Variants in ARL17A observed in about 807,000 individuals in gnomAD.
ARL17A encodes the protein ADP-ribosylation factor-like 17-like.
the ARL17A span, among the ~76,000 whole-genome samples, chr17:46,501,007 C>T: frequency 2.0e-5 from 3 of 151,102 alleles, no homozygotes; most frequent in African/African-American, 7.4e-5. Flanking sequence ...TGGTGAGACC[C>T]CGTCTCTACT....
chr17:46,501,306 G>C, the ARL17A span, among the ~76,000 whole-genome samples: 1 of 151,090 alleles, frequency 6.6e-6, no homozygotes, highest in South Asian at 2.1e-4. Flanking sequence ...CTCCTGAGTA[G>C]CTGGGACCAC....
the ARL17A span, among the ~76,000 whole-genome samples, chr17:46,500,999 G>T: frequency 6.6e-6 from 1 of 151,130 alleles, no homozygotes. Context: ...GGCTAACATG[G>T]TGAGACCCCG....
the ARL17A span, among the ~76,000 whole-genome samples, chr17:46,500,580 T>C: frequency 6.6e-6 from 1 of 150,736 alleles, no homozygotes; most frequent in Non-Finnish European, 1.5e-5. Flanking sequence ...CACCTGAAGA[T>C]TGTGAGAAAC....
chr17:46,559,061 GC>G (rs2057466370), intron 3 of ARL17A: 1 of 79,548 alleles, frequency 1.3e-5, no homozygotes, highest in Non-Finnish European at 2.2e-5. Flanking sequence ...GGCATCTTCA[GC>G]TGGAGGTGAG....
At chr17:46,552,693 G>C (rs1341521379), downstream of ARL17A, 1 of 77,454 alleles carries the variant, frequency 1.3e-5, no homozygotes, top group Non-Finnish European at 3.3e-5. Context: ...AGATCAGGCT[G>C]AATATTTGAA....
chr17:46,542,555 TGTG>T (rs1196821398), intron 3 of ARL17A, among the ~76,000 whole-genome samples: 1 of 148,784 alleles, frequency 6.7e-6, no homozygotes, highest in Admixed American at 6.6e-5. Context: ...ATCAGCCAGG[TGTG>T]GTGGCACACG....
At chr17:46,501,163 C>A in the ARL17A span, among the ~76,000 whole-genome samples, 842 of 151,260 alleles carry the variant, frequency 5.6e-3, 14 homozygotes, top group Middle Eastern at 0.027. Context: ...TAGCTAGGTA[C>A]AAGCCACCAT....
rs2054032892 is a variant in ARL17A at position 46,533,476 on chromosome 17, C to T, written c.336-4617G>A. Reference sequence around the variant, plus strand: ...TCATCAACTAGATTTATAATTATTGCATTATGTAAGTATCTTTTTCTTTTT... The same window carrying T: ...TCATCAACTAGATTTATAATTATTGTATTATGTAAGTATCTTTTTCTTTTT... On this transcript the variant is annotated intron_variant, in intron 4 of 4. Transcript: ENST00000329240. 4.2e-5 allele frequency among the ~76,000 whole-genome samples: 6 copies of T among 144,490 alleles called. No individual in the cohort carries two copies. In the East Asian group the frequency reaches 9.9e-4, roughly 24 times the overall value. The allele number at this position is 144,490 out of a possible 152,430, so 94.8% of individuals were successfully genotyped here. A position where few individuals can be genotyped will look rare whatever the true frequency, so the allele number is the denominator to read the frequency against.
chr17:46,504,951 T>TATTTAATACATTGATTTATTAA, the ARL17A span, among the ~76,000 whole-genome samples: 3 of 106,460 alleles, frequency 2.8e-5, no homozygotes, highest in Non-Finnish European at 3.6e-5. Context: ...TTAACTAATT[T>TATTTAATACATTGATTTATTAA]TGAGAGAGAG....
At chr17:46,503,211 C>CAACA in the ARL17A span, among the ~76,000 whole-genome samples, 1 of 72,646 alleles carries the variant, frequency 1.4e-5, no homozygotes, top group Non-Finnish European at 2.8e-5. Context: ...GACTCCGTCT[C>CAACA]AAAAAAAAAA....
At chr17:46,534,720 C>T (rs1357244592) in intron 4 of ARL17A, among the ~76,000 whole-genome samples, 3 of 150,176 alleles carry the variant, frequency 2.0e-5, no homozygotes, top group Non-Finnish European at 4.4e-5. Flanking sequence ...GTACACCTCC[C>T]AGACGGGGTG....
intron 3 of ARL17A, among the ~76,000 whole-genome samples, chr17:46,546,097 T>C (rs1056301): frequency 6.6e-6 from 1 of 152,040 alleles, no homozygotes; most frequent in African/African-American, 2.4e-5. Context: ...GGCACTTTTG[T>C]CCTCCTTCCT....
chr17:46,532,876 G>A (rs960079753), intron 4 of ARL17A, among the ~76,000 whole-genome samples: 1 of 148,956 alleles, frequency 6.7e-6, no homozygotes, highest in African/African-American at 2.6e-5. Flanking sequence ...TGCGGTGGGA[G>A]GATTGCTTGA....
downstream of ARL17A, chr17:46,549,022 T>C (rs1163239318): frequency 4.3e-6 from 7 of 1,612,078 alleles, no homozygotes; most frequent in African/African-American, 9.5e-5. Flanking sequence ...TACGAAGACG[T>C]CTAAACCAAT....
chr17:46,520,976 A>G (rs1333007972), intron 3 of ARL17A, among the ~76,000 whole-genome samples: 1 of 81,752 alleles, frequency 1.2e-5, no homozygotes, highest in African/African-American at 3.5e-5. Context: ...AGCTACCAAG[A>G]GAATAGACTG....
chr17:46,525,611 AATAATC>A (rs1437912019), downstream of ARL17A, among the ~76,000 whole-genome samples: 110 of 118,544 alleles, frequency 9.3e-4, 2 homozygotes, highest in African/African-American at 3.2e-3. Flanking sequence ...ATATAATAAT[AATAATC>A]ATCATCATCA....
At chr17:46,569,352 T>TAG (rs1418974910) in intron 3 of ARL17A, among the ~76,000 whole-genome samples, 1 of 148,478 alleles carries the variant, frequency 6.7e-6, no homozygotes, top group Non-Finnish European at 1.5e-5. Context: ...GAAGATTTTA[T>TAG]ATATATATAT....
chr17:46,543,533 T>C (rs1393537755), intron 3 of ARL17A, among the ~76,000 whole-genome samples: 3 of 150,914 alleles, frequency 2.0e-5, no homozygotes, highest in Non-Finnish European at 2.9e-5. Flanking sequence ...TGAAGTTCCA[T>C]TGAGTGATGA....
At chr17:46,530,246 A>AG (rs1196880637) in intron 4 of ARL17A, among the ~76,000 whole-genome samples, 1 of 110,756 alleles carries the variant, frequency 9.0e-6, no homozygotes, top group Non-Finnish European at 1.9e-5. Context: ...TATAGAATGA[A>AG]GGGGTAGCCG....
Sources: allele counts gnomAD v4.1 joint callset (sites outside exome capture counted in the v4.1 genomes callset), GRCh38; gene constraint gnomAD v4.1.1; transcripts MANE v1.5; gene names NCBI Gene and HGNC (gene_info 2026-07-23, HGNC 2026-07-21).